Variants in CHST9 observed in about 807,000 individuals in gnomAD.
CHST9 encodes carbohydrate sulfotransferase 9, also known as GalNAc-4-sulfotransferase 2.
In CHST9, 41 loss-of-function variants were observed where a neutral mutation model predicts 44.4. That is an observed-to-expected ratio of 0.92 (90% CI 0.72 to 1.20). The LOEUF is 1.20. Among genes scored for constraint, CHST9 ranks in the 50% most tolerant of loss-of-function variants. The pLI is 0.00. For missense variants in CHST9, 504 were observed against 516.5 expected (o/e 0.98, Z 0.23); for synonymous variants, 171 against 178.4 (o/e 0.96, Z 0.33).
At chr18:27,002,203 T>C (rs79317062) in intron 4 of CHST9, among the ~76,000 whole-genome samples, 8,494 of 151,636 alleles carry the variant, frequency 0.056, 373 homozygotes, top group South Asian at 0.13. Context: ...TGCAGAATCC[T>C]ACCTGGAGGC....
chr18:26,995,280 T>C (rs1312111413), intron 4 of CHST9, among the ~76,000 whole-genome samples: 3 of 105,438 alleles, frequency 2.8e-5, no homozygotes, highest in African/African-American at 3.9e-5. Context: ...AAAAAAAAAA[T>C]GCAAAAAATT....
At position 27,048,474 on chromosome 18, in the gene CHST9, C is replaced by T. The variant is rs376852074; in HGVS notation, c.151G>A (p.Val51Ile). 5 of 1,607,814 alleles carry T rather than the reference C, an allele frequency of 3.1e-6. No individual in the cohort carries two copies. The highest frequency in any genetic ancestry group is 4.2e-6 in the Non-Finnish European group (5 of 1,177,090). The change falls in exon 3 of 6, where the codon GTA (valine) becomes ATA (isoleucine). Residue 51 changes from valine to isoleucine, a missense_variant. Transcript: ENST00000618847. ...TTGGACAAAATCTTACCTGAAGTTA[C>T]TTTTTGTTCTCTTCTCTTCTCCACT... Reference protein sequence around the residue: ...GRVEKRREQKVTSGWGPVKYL... With the variant: ...GRVEKRREQKITSGWGPVKYL...
intron 4 of CHST9, among the ~76,000 whole-genome samples, chr18:27,007,907 A>C (rs1009598363): frequency 6.6e-6 from 1 of 152,218 alleles, no homozygotes; most frequent in Non-Finnish European, 1.5e-5. Flanking sequence ...AAAAGGATAC[A>C]GGATTCAGGA....
chr18:27,060,897 G>A (rs2057713997), intron 2 of CHST9, among the ~76,000 whole-genome samples: 1 of 152,192 alleles, frequency 6.6e-6, no homozygotes, highest in Non-Finnish European at 1.5e-5. Context: ...AAGTAGCTGG[G>A]ATTACAGGCA....
chr18:27,055,989 C>A (rs1291694453), intron 2 of CHST9, among the ~76,000 whole-genome samples: 1 of 151,040 alleles, frequency 6.6e-6, no homozygotes, highest in Non-Finnish European at 1.5e-5. Flanking sequence ...TTGGCATATC[C>A]ATAAGCCATA....
chr18:27,053,350 A>T (rs1440213949), intron 2 of CHST9, among the ~76,000 whole-genome samples: 1 of 150,450 alleles, frequency 6.6e-6, no homozygotes, highest in African/African-American at 2.4e-5. Context: ...AAAAAAAAGC[A>T]ATAATTATAG....
At chr18:27,013,419 T>A (rs953475802) in intron 4 of CHST9, among the ~76,000 whole-genome samples, 2 of 152,232 alleles carry the variant, frequency 1.3e-5, no homozygotes, top group Non-Finnish European at 2.9e-5. Context: ...ATTTGATTGA[T>A]CATTTGGCAT....
chr18:27,079,667 ACAGTGGCTTAAAATAGCG>A (rs2057941604), intron 2 of CHST9, among the ~76,000 whole-genome samples: 1 of 152,214 alleles, frequency 6.6e-6, no homozygotes, highest in African/African-American at 2.4e-5. Flanking sequence ...ACAATCACAA[ACAGTGGCTTAAAATAGCG>A]CAGATGTATT....
intron 2 of CHST9, among the ~76,000 whole-genome samples, chr18:27,053,536 T>C (rs542298587): frequency 5.3e-5 from 8 of 152,184 alleles, no homozygotes; most frequent in Non-Finnish European, 7.4e-5. Flanking sequence ...GCCATCACCC[T>C]AGTTCATGAA....
chr18:26,918,516 TA>T (rs1192869832), intron 5 of CHST9, among the ~76,000 whole-genome samples: 3 of 151,832 alleles, frequency 2.0e-5, no homozygotes, highest in African/African-American at 7.3e-5. Flanking sequence ...TATATATATA[TA>T]TAGTACATAT....
chr18:26,912,585 C>T lies in CHST9; in HGVS notation c.*3674G>A, dbSNP rs1230478362. Reference sequence around the variant, plus strand: ...TGGCTTCATCCTGGCTTCTGACCTACTTATCATCTCTGTCTCCTTAGGCAA... The same window carrying T: ...TGGCTTCATCCTGGCTTCTGACCTATTTATCATCTCTGTCTCCTTAGGCAA... On this transcript the variant is annotated 3_prime_UTR_variant, in exon 6 of 6. Coordinates refer to ENST00000618847, the MANE Select transcript of CHST9 (RefSeq NM_031422.6). The T allele has an allele frequency of 6.6e-6, 1 of 152,212 alleles. No homozygotes were observed. Among genetic ancestry groups the T allele is most frequent in the African/African-American group, 2.4e-5 (1 of 41,456 alleles). The allele number at this position is 152,212 out of a possible 1,614,324, so 9.4% of individuals were successfully genotyped here.
intron 3 of CHST9, among the ~76,000 whole-genome samples, chr18:27,026,246 T>C (rs2057284018): frequency 1.3e-5 from 2 of 152,124 alleles, no homozygotes; most frequent in African/African-American, 4.8e-5. Context: ...CTGGTCTAGT[T>C]TGTCCCTCCA....
At chr18:27,015,007 T>C (rs935285910) in intron 4 of CHST9, among the ~76,000 whole-genome samples, 5 of 152,202 alleles carry the variant, frequency 3.3e-5, no homozygotes, top group African/African-American at 9.7e-5. Context: ...TTTTAGTCTT[T>C]TGACTCCACC....
At chr18:26,935,501 T>TTTTG (rs1053850142) in intron 5 of CHST9, 1 of 152,232 alleles carries the variant, frequency 6.6e-6, no homozygotes, top group Non-Finnish European at 1.5e-5. Flanking sequence ...ATAAAATCTA[T>TTTTG]TTTGTTTATG....
chr18:27,045,996 GT>G (rs2057495675), intron 3 of CHST9, among the ~76,000 whole-genome samples: 1 of 152,000 alleles, frequency 6.6e-6, no homozygotes, highest in Non-Finnish European at 1.5e-5. Flanking sequence ...AGCCACTTAA[GT>G]TTTGTTGACC....
At chr18:27,051,179 G>C (rs1396697757) in intron 2 of CHST9, among the ~76,000 whole-genome samples, 1 of 152,154 alleles carries the variant, frequency 6.6e-6, no homozygotes, top group African/African-American at 2.4e-5. Context: ...TTGGGAGGCT[G>C]AGGCAGGAGG....
rs1175754219 is a variant in CHST9 at position 26,979,028 on chromosome 18, AT to A, written c.203-34663del. On this transcript the variant is annotated intron_variant, in intron 4 of 5. Transcript: ENST00000618847. ...TTTTTTATTTATTTTATTTTATTTT[AT>A]TTTTTTTAAAGATTGTGGCAGGTAT... 6.6e-5 allele frequency among the ~76,000 whole-genome samples: 10 copies of A among 151,296 alleles called. No homozygotes were observed. The East Asian group carries it at 1.8e-3, about 27-fold the overall frequency.
intron 3 of CHST9, among the ~76,000 whole-genome samples, chr18:27,025,631 A>G (rs1056184518): frequency 6.6e-6 from 1 of 152,074 alleles, no homozygotes; most frequent in South Asian, 2.1e-4. Flanking sequence ...TAATATCTGC[A>G]TTTTGGAGGC....
At chr18:27,087,145 T>G (rs1010930202) in intron 2 of CHST9, among the ~76,000 whole-genome samples, 1 of 152,202 alleles carries the variant, frequency 6.6e-6, no homozygotes, top group Admixed American at 6.5e-5. Flanking sequence ...TACAGAACAC[T>G]TATTAGGATA....
Sources: gnomAD v4.1 joint callset for allele counts (sites outside exome capture counted in the v4.1 genomes callset) on GRCh38, gnomAD v4.1.1 for gene constraint, MANE v1.5 for transcripts, NCBI Gene and HGNC (gene_info 2026-07-23, HGNC 2026-07-21) for gene names.